CDIN1: variants seen among roughly 807,000 people sequenced by gnomAD.
The protein encoded by CDIN1 is CDAN1-interacting nuclease 1.
Under a neutral mutation model 45.3 loss-of-function variants are expected in CDIN1, and 33 were observed. The observed-to-expected ratio is 0.73, with a 90% confidence interval of 0.55 to 0.97. CDIN1 has a LOEUF of 0.97. Among genes scored for constraint, CDIN1 ranks in the 50% least tolerant of loss-of-function variants. The pLI is 0.00. For synonymous variants in CDIN1, 118 were observed against 124.4 expected (o/e 0.95, Z 0.34); for missense variants, 303 against 339.4 (o/e 0.89, Z 0.84).
Position 36,790,568 on chromosome 15 carries a change from T to C in CDIN1, c.717-17756T>C, listed in dbSNP as rs914892972. 2.0e-5 allele frequency among the ~76,000 whole-genome samples: 3 copies of C among 152,226 alleles called. No homozygotes were observed. The East Asian group carries it at 5.8e-4, about 29-fold the overall frequency. On this transcript the variant is annotated intron_variant, in intron 10 of 10. Transcript: ENST00000566621. ...ACATAGAAAGAAATACTTGAGATGA[T>C]AGATACCCTAAATTCCCTGACTTGA...
At chr15:36,652,913 T>C (rs985071750) in intron 3 of CDIN1, among the ~76,000 whole-genome samples, 17 of 152,220 alleles carry the variant, frequency 1.1e-4, no homozygotes, top group African/African-American at 4.1e-4. Flanking sequence ...TTAAATAATA[T>C]ACTGTAGGGA....
At chr15:36,618,774 A>AG in intron 1 of CDIN1, 1 of 778,226 alleles carries the variant, frequency 1.3e-6, no homozygotes, top group South Asian at 1.4e-5. Flanking sequence ...AAAAAAAAAA[A>AG]AAAAAAGGAT....
chr15:36,714,840 G>C (rs2043169054), intron 10 of CDIN1, among the ~76,000 whole-genome samples: 1 of 152,162 alleles, frequency 6.6e-6, no homozygotes. Context: ...CCCTGGGAAT[G>C]GTCTTGGGGC....
chr15:36,778,245 T>C (rs978578102), intron 10 of CDIN1, among the ~76,000 whole-genome samples: 10 of 152,098 alleles, frequency 6.6e-5, no homozygotes, highest in Non-Finnish European at 1.2e-4. Context: ...ATGCCTCAGA[T>C]TGGGAGGACA....
chr15:36,784,035 G>A (rs574590463), intron 10 of CDIN1, among the ~76,000 whole-genome samples: 4 of 152,180 alleles, frequency 2.6e-5, no homozygotes, highest in Admixed American at 2.6e-4. Flanking sequence ...AAGCAAATAA[G>A]GAATATTTAG....
At chr15:36,785,848 C>T (rs1486122804) in intron 10 of CDIN1, among the ~76,000 whole-genome samples, 1 of 151,792 alleles carries the variant, frequency 6.6e-6, no homozygotes, top group East Asian at 1.9e-4. Flanking sequence ...GTTGGCTTGA[C>T]ACACACTGTA....
chr15:36,647,438 G>A (rs1387131252), intron 3 of CDIN1: 3 of 152,040 alleles, frequency 2.0e-5, no homozygotes, highest in East Asian at 1.9e-4. Flanking sequence ...CAATTATTTC[G>A]AGGAGTTACA....
chr15:36,615,802 G>T (rs1217813331), intron 1 of CDIN1, among the ~76,000 whole-genome samples: 1 of 152,050 alleles, frequency 6.6e-6, no homozygotes, highest in Non-Finnish European at 1.5e-5. Context: ...TTTGTTTTTT[G>T]GTTTGAAGTT....
chr15:36,697,467 T>C (rs2042475277), intron 8 of CDIN1, 77 bp downstream of exon 8: 4 of 1,191,102 alleles, frequency 3.4e-6, no homozygotes, highest in Non-Finnish European at 4.8e-6. Context: ...AATCTTCCAC[T>C]AAAGGAAGAG....
At chr15:36,720,433 C>T (rs1475493106) in intron 10 of CDIN1, among the ~76,000 whole-genome samples, 1 of 142,466 alleles carries the variant, frequency 7.0e-6, no homozygotes, top group Admixed American at 7.1e-5. Flanking sequence ...CTCCCTCCCC[C>T]GACCCTATGA....
intron 3 of CDIN1, among the ~76,000 whole-genome samples, chr15:36,647,111 C>T (rs1185048132): frequency 6.8e-6 from 1 of 146,668 alleles, no homozygotes; most frequent in African/African-American, 2.5e-5. Flanking sequence ...GCAGCCTCAA[C>T]CTCCTGGCCT....
chr15:36,808,208 A>G, intron 10 of CDIN1, 116 bp from the exon 11 acceptor site: 1 of 1,479,086 alleles, frequency 6.8e-7, no homozygotes, highest in Non-Finnish European at 9.1e-7. Flanking sequence ...GTAGCAACCA[A>G]AACAAAAATT....
At chr15:36,663,385 T>C (rs2041100944) in intron 5 of CDIN1, among the ~76,000 whole-genome samples, 1 of 152,218 alleles carries the variant, frequency 6.6e-6, no homozygotes. Context: ...GGAAGATATC[T>C]GAAATGGTGT....
At chr15:36,806,167 A>G (rs2055219602) in intron 10 of CDIN1, among the ~76,000 whole-genome samples, 1 of 152,194 alleles carries the variant, frequency 6.6e-6, no homozygotes, top group Admixed American at 6.5e-5. Flanking sequence ...CAGGTTCACA[A>G]TCTTGCAAAA....
intron 10 of CDIN1, chr15:36,756,207 C>T (rs1269494743): frequency 2.2e-6 from 1 of 449,376 alleles, no homozygotes. Context: ...TGTGAAATTA[C>T]CAGCCCACAA....
chr15:36,711,634 C>T (rs554864597), intron 10 of CDIN1, among the ~76,000 whole-genome samples: 3 of 152,302 alleles, frequency 2.0e-5, no homozygotes, highest in East Asian at 3.9e-4. Flanking sequence ...TATTGATTTA[C>T]ATTCCCTGAG....
Position 36,644,261 on chromosome 15 carries a change from T to C in CDIN1, c.102-17T>C, listed in dbSNP as rs750825839. ...GCACTCCAGTAATTAACTTTGTCCT[T>C]CTTTTATTTGTTCCAGTCAATCGCA... On this transcript the variant is annotated splice_polypyrimidine_tract_variant and intron_variant, in intron 1 of 10. Transcript: ENST00000566621. 2.4e-5 allele frequency: 38 copies of C among 1,613,078 alleles called. No individual in the cohort carries two copies. Among genetic ancestry groups the C allele is most frequent in the Non-Finnish European group, 3.1e-5 (36 of 1,179,414 alleles).
At chr15:36,753,136 G>A (rs116967073) in intron 10 of CDIN1, among the ~76,000 whole-genome samples, 3,899 of 152,138 alleles carry the variant, frequency 0.026, 67 homozygotes, top group Non-Finnish European at 0.041. Flanking sequence ...GCACCACTGC[G>A]GCAACTGTGA....
chr15:36,588,343 A>G (rs1290850078), intron 1 of CDIN1, among the ~76,000 whole-genome samples: 1 of 152,118 alleles, frequency 6.6e-6, no homozygotes, highest in East Asian at 1.9e-4. Flanking sequence ...TACTATTCCT[A>G]TTGGCCTTGT....
Sources: allele counts gnomAD v4.1 joint callset (sites outside exome capture counted in the v4.1 genomes callset), GRCh38; gene constraint gnomAD v4.1.1; transcripts MANE v1.5; gene names NCBI Gene and HGNC (gene_info 2026-07-23, HGNC 2026-07-21).